The following CYREN variants were observed in gnomAD, a reference collection of about 807,000 sequenced individuals.
CYREN encodes cell cycle regulator of non-homologous end joining.
In CYREN, 7 loss-of-function variants were observed where a neutral mutation model predicts 9.7. The observed-to-expected ratio is 0.72, with a 90% confidence interval of 0.41 to 1.36. The LOEUF is 1.36. CYREN is among the 40% of genes most tolerant of loss of function. The pLI, the probability that CYREN is intolerant of heterozygous loss-of-function variation, is 0.01. For synonymous variants in CYREN, 76 were observed against 77.9 expected (o/e 0.98, Z 0.13); for missense variants, 215 against 198.1 (o/e 1.09, Z -0.51).
chr7:135,153,090 C>G (rs1829702709), intron 2 of CYREN: 1 of 152,164 alleles, frequency 6.6e-6, no homozygotes, highest in East Asian at 1.9e-4. Flanking sequence ...TGCTCAACAT[C>G]ACTAATCACC....
chr7:135,144,938 T>TAAA (rs58443282), intron 2 of CYREN, among the ~76,000 whole-genome samples: 1,036 of 45,592 alleles, frequency 0.023, no homozygotes, highest in East Asian at 0.032. Flanking sequence ...CTCAAAAGAG[T>TAAA]AAAAAAAAAA....
At chr7:135,108,056 T>C (rs1825029434) in intron 2 of CYREN, among the ~76,000 whole-genome samples, 1 of 152,200 alleles carries the variant, frequency 6.6e-6, no homozygotes, top group Non-Finnish European at 1.5e-5. Flanking sequence ...CTGATTTCCA[T>C]TTACTTGGTA....
chr7:135,156,337 T>C (rs1285511078), intron 2 of CYREN, among the ~76,000 whole-genome samples: 1 of 152,198 alleles, frequency 6.6e-6, no homozygotes, highest in Non-Finnish European at 1.5e-5. Context: ...GAAATACCAA[T>C]AATTCATAAG....
At chr7:135,147,732 G>A in intron 2 of CYREN, 1 of 455,832 alleles carries the variant, frequency 2.2e-6, no homozygotes, top group Non-Finnish European at 4.4e-6. Flanking sequence ...GGTCCTGACT[G>A]CCACACTGGC....
chr7:135,168,837 A>G lies in CYREN; in HGVS notation c.86T>C (p.Met29Thr), dbSNP rs1830436489. The G allele has an allele frequency of 6.2e-7, 1 of 1,613,930 alleles. No homozygotes were observed. Among genetic ancestry groups the G allele is most frequent in the Admixed American group, 1.7e-5 (1 of 59,992 alleles). Residue 29 changes from methionine (M) to threonine (T), a missense_variant, in exon 2 of 4, where the codon ATG (methionine) becomes ACG (threonine). Coordinates refer to ENST00000393114, the MANE Select transcript of CYREN (RefSeq NM_024033.4). ...CATTCTCATCCTCTTGGGGGCCTTC[A>G]TTGGTGCCACATTCTTTGTAGCCAC... Reference protein sequence around the residue: ...AQVATKNVAPMKAPKRMRMAA... With the variant: ...AQVATKNVAPTKAPKRMRMAA...
At chr7:135,096,786 A>AGAAAGAAG (rs1491093705) in intron 2 of CYREN, among the ~76,000 whole-genome samples, 5 of 150,808 alleles carry the variant, frequency 3.3e-5, no homozygotes, top group South Asian at 2.1e-4. Flanking sequence ...AAAGAAAGAA[A>AGAAAGAAG]GAAAGAAAAA....
intron 2 of CYREN, among the ~76,000 whole-genome samples, chr7:135,107,007 G>A (rs1417141118): frequency 1.3e-5 from 2 of 152,138 alleles, no homozygotes; most frequent in East Asian, 1.9e-4. Flanking sequence ...GCATAGACAT[G>A]TTCATAGTAG....
chr7:135,094,415 A>C, exon 3 of CYREN: 1 of 456,684 alleles, frequency 2.2e-6, no homozygotes, highest in Non-Finnish European at 4.4e-6. Flanking sequence ...AACTGGTAGG[A>C]ACACTTAAAC....
rs981042632 is a variant in CYREN, at chr7:135,150,274, C to T, written n.356+18475G>A. On this transcript the variant is annotated intron_variant and non_coding_transcript_variant, in intron 2 of 2. Coordinates refer to the CYREN transcript ENST00000459937. ...AACAAATATCTCTTCTGAAGAGAGG[C>T]TTTCCCTGACCCTATAATCTAGTCA... Among the ~76,000 whole-genome samples, 5 of 152,224 alleles carry T rather than the reference C, an allele frequency of 3.3e-5. No individual in the cohort carries two copies. The East Asian group carries it at 9.6e-4, about 29-fold the overall frequency.
chr7:135,119,565 A>G (rs1450570807), intron 2 of CYREN, among the ~76,000 whole-genome samples: 2 of 151,924 alleles, frequency 1.3e-5, no homozygotes, highest in Non-Finnish European at 2.9e-5. Flanking sequence ...GACCAAAAAA[A>G]AAAGAAAAAA....
At chr7:135,115,785 G>A (rs897158329) in intron 2 of CYREN, 2 of 555,812 alleles carry the variant, frequency 3.6e-6, no homozygotes, top group Non-Finnish European at 6.3e-6. Flanking sequence ...CTGGATAAAT[G>A]AAGGAGTAAG....
At position 135,169,078 on chromosome 7, in the gene CYREN, G is replaced by C; in HGVS notation, c.-138-18C>G. The C allele has an allele frequency of 1.4e-6, 1 of 735,440 alleles. No individual in the cohort carries two copies. Among genetic ancestry groups the C allele is most frequent in the Non-Finnish European group, 2.1e-6 (1 of 466,484 alleles). 45.6% of individuals were successfully genotyped at this position (735,440 alleles called of 1,614,324 possible). A position where few individuals can be genotyped will look rare whatever the true frequency, so the allele number is the denominator to read the frequency against. On this transcript the variant is annotated intron_variant, in intron 1 of 3. Coordinates refer to ENST00000393114, the MANE Select transcript of CYREN (RefSeq NM_024033.4). Reference sequence around the variant, plus strand: ...TTTGATTCCTACAAAGAACAATAAAGTCCGGTGAATTCCCATACCTCCAGT... The same window carrying C: ...TTTGATTCCTACAAAGAACAATAAACTCCGGTGAATTCCCATACCTCCAGT...
chr7:135,100,792 A>C (rs1383615491), intron 2 of CYREN, among the ~76,000 whole-genome samples: 1 of 152,220 alleles, frequency 6.6e-6, no homozygotes, highest in African/African-American at 2.4e-5. Flanking sequence ...GGTAATAGAA[A>C]AAGTACTGCA....
chr7:135,165,444 C>CGGGACA (rs1298917411), downstream of CYREN: 2 of 176,174 alleles, frequency 1.1e-5, no homozygotes, highest in Admixed American at 1.2e-4. Flanking sequence ...CTCAGTGTCT[C>CGGGACA]TGGGGACATG....
chr7:135,167,002 T>C, intron 3 of CYREN, 131 bp from the exon 4 acceptor site: 1 of 1,488,774 alleles, frequency 6.7e-7, no homozygotes, highest in Non-Finnish European at 8.9e-7. Flanking sequence ...AATGTACCCA[T>C]ATCCTGAGCA....
chr7:135,161,490 A>C (rs1017788586), downstream of CYREN, among the ~76,000 whole-genome samples: 5 of 152,204 alleles, frequency 3.3e-5, no homozygotes, highest in Admixed American at 3.3e-4. The surrounding 1 kb of genome is among the most constrained non-coding windows in gnomAD (Gnocchi z 4.1). Flanking sequence ...AAATCAGGGA[A>C]GTCCTGGAAA....
rs1182314797 is a variant in CYREN at position 135,168,785 on chromosome 7, C to A, written c.137+1G>T. 1.2e-6 allele frequency: 2 copies of A among 1,613,780 alleles called. No individual in the cohort carries two copies. The highest frequency in any genetic ancestry group is 1.3e-5 in the African/African-American group (1 of 75,038). On this transcript the variant is annotated splice_donor_variant, in intron 2 of 3. Transcript: ENST00000393114. LOFTEE classifies it high-confidence loss of function. ...GAGTCTTCTGACCAGAGCTGTCGCA[C>A]CTTGCTGCTGCCACTGGCACTGCTG...
intron 2 of CYREN, among the ~76,000 whole-genome samples, chr7:135,097,633 G>A (rs1585095632): frequency 6.6e-6 from 1 of 152,112 alleles, no homozygotes; most frequent in Non-Finnish European, 1.5e-5. Context: ...TTGCTAGCCT[G>A]TGACATTGAG....
intron 2 of CYREN, chr7:135,115,619 A>C: frequency 6.6e-7 from 1 of 1,524,558 alleles, no homozygotes; most frequent in Non-Finnish European, 8.9e-7. Flanking sequence ...TCAGTAAGTC[A>C]ATACAATTTT....
Sources: allele counts gnomAD v4.1 joint callset (sites outside exome capture counted in the v4.1 genomes callset), GRCh38; gene constraint gnomAD v4.1.1; non-coding constraint Gnocchi (gnomAD v3.1); transcripts MANE v1.5; gene names NCBI Gene and HGNC (gene_info 2026-07-23, HGNC 2026-07-21).